Variants in CDH9 observed in about 807,000 individuals in gnomAD.
CDH9 encodes cadherin 9.
A neutral mutation model predicts 70.9 loss-of-function variants in CDH9; 28 were observed. The observed-to-expected ratio is 0.40, with a 90% confidence interval of 0.29 to 0.54. The LOEUF (loss-of-function observed/expected upper bound fraction) is 0.54. Ranked by LOEUF, CDH9 falls within the 20% of genes least tolerant of loss-of-function variation. The probability of loss-of-function intolerance (pLI) is 0.59; values close to 1 mark genes in which losing one functional copy is unlikely to be tolerated. For missense variants in CDH9, 874 were observed against 984.4 expected, an observed-to-expected ratio of 0.89 and a Z score of 1.50; for synonymous variants, 409 against 343.1, an observed-to-expected ratio of 1.19 and a Z score of -2.12.
intron 7 of CDH9, among the ~76,000 whole-genome samples, chr5:26,898,993 A>G (rs1740802775): frequency 6.6e-6 from 1 of 152,180 alleles, no homozygotes. Context: ...GAACAATCCT[A>G]TCAAAAGGTG....
Position 26,973,741 on chromosome 5 carries a change from T to G in CDH9, c.228+14365A>C, listed in dbSNP as rs187239605. 5.3e-5 allele frequency among the ~76,000 whole-genome samples: 8 copies of G among 152,326 alleles called. No individual in the cohort carries two copies. In the East Asian group the frequency reaches 1.5e-3, roughly 29 times the overall value. On this transcript the variant is annotated intron_variant, in intron 2 of 11. Transcript: ENST00000231021. ...CTTTTTGTGTTATTATCTCATTTTCTTTTTTAATATGATGAACACATTTAA... is the reference window on the plus strand; with the variant it reads ...CTTTTTGTGTTATTATCTCATTTTCGTTTTTAATATGATGAACACATTTAA...
At chr5:27,004,745 G>T (rs932655598) in intron 1 of CDH9, among the ~76,000 whole-genome samples, 1 of 152,164 alleles carries the variant, frequency 6.6e-6, no homozygotes, top group Non-Finnish European at 1.5e-5. Context: ...TGTTAAGATC[G>T]ATCAATATGC....
At chr5:27,034,730 G>T (rs915138631) in intron 1 of CDH9, among the ~76,000 whole-genome samples, 2 of 151,450 alleles carry the variant, frequency 1.3e-5, no homozygotes, top group Non-Finnish European at 1.5e-5. Flanking sequence ...TCTTGGTCAG[G>T]CTCCAGAGAC....
At chr5:26,914,758 C>T (rs1741119357) in intron 3 of CDH9, among the ~76,000 whole-genome samples, 1 of 151,928 alleles carries the variant, frequency 6.6e-6, no homozygotes, top group Admixed American at 6.6e-5. Context: ...ATAAGAATGT[C>T]AAAATCATAC....
chr5:26,965,668 C>T (rs1742117489), intron 2 of CDH9, among the ~76,000 whole-genome samples: 1 of 151,126 alleles, frequency 6.6e-6, no homozygotes, highest in East Asian at 1.9e-4. Flanking sequence ...AAAAATTGGA[C>T]AACTAGAAAC....
At chr5:26,935,155 A>C (rs1741537476) in intron 2 of CDH9, among the ~76,000 whole-genome samples, 1 of 150,298 alleles carries the variant, frequency 6.7e-6, no homozygotes, top group East Asian at 1.9e-4. Context: ...ATAGATTTAG[A>C]AAAAGTACTT....
At chr5:26,927,068 G>A (rs183450440) in intron 2 of CDH9, among the ~76,000 whole-genome samples, 1 of 151,934 alleles carries the variant, frequency 6.6e-6, no homozygotes, top group African/African-American at 2.4e-5. Context: ...TCCAAGTGGG[G>A]TTTATTCCTG....
In CDH9 at chr5:26,988,535, C is replaced by T. The variant is rs1448037518; in HGVS notation, c.-49-153G>A. 2.0e-5 allele frequency among the ~76,000 whole-genome samples: 3 copies of T among 151,834 alleles called. No homozygotes were observed. In the East Asian group the frequency reaches 5.8e-4, roughly 29 times the overall value. The stretch of plus-strand genomic sequence containing the variant: ...TATATCAGTGAACGGTCATGAAAAA[C>T]TCATTTATCACATAGATAAGTAGAA... On this transcript the variant is annotated intron_variant, in intron 1 of 11. Transcript: ENST00000231021.
At chr5:26,922,557 C>A (rs1013921336) in intron 2 of CDH9, among the ~76,000 whole-genome samples, 1 of 152,094 alleles carries the variant, frequency 6.6e-6, no homozygotes, top group East Asian at 1.9e-4. Context: ...CAGGGGACTT[C>A]ATCAACACCA....
intron 1 of CDH9, among the ~76,000 whole-genome samples, chr5:27,004,677 GAC>G (rs1487806167): frequency 6.6e-6 from 1 of 152,122 alleles, no homozygotes; most frequent in Non-Finnish European, 1.5e-5. Flanking sequence ...ACTAATGAGA[GAC>G]ACATGAGATG....
At chr5:26,910,098 G>C (rs950874082) in intron 3 of CDH9, among the ~76,000 whole-genome samples, 13 of 151,916 alleles carry the variant, frequency 8.6e-5, no homozygotes, top group African/African-American at 3.1e-4. Context: ...ATATATAAAA[G>C]AAAAAACATC....
intron 9 of CDH9, 61 bp from the exon 10 acceptor site, chr5:26,886,144 G>A (rs532274561): frequency 1.4e-5 from 21 of 1,510,950 alleles, no homozygotes; most frequent in South Asian, 2.7e-5. Context: ...GTTATTACAA[G>A]ATATCTTAAA....
intron 2 of CDH9, among the ~76,000 whole-genome samples, chr5:26,959,693 A>C (rs1415188661): frequency 1.3e-5 from 2 of 152,120 alleles, no homozygotes; most frequent in East Asian, 3.9e-4. Flanking sequence ...GTACTGATAC[A>C]ACACAGAGTG....
chr5:26,973,067 T>C (rs1742247683), intron 2 of CDH9, among the ~76,000 whole-genome samples: 1 of 152,154 alleles, frequency 6.6e-6, no homozygotes, highest in Admixed American at 6.5e-5. Flanking sequence ...TTTCACCATG[T>C]TGACCAGGCT....
At chr5:26,919,358 G>T (rs1741202915) in intron 2 of CDH9, among the ~76,000 whole-genome samples, 1 of 152,142 alleles carries the variant, frequency 6.6e-6, no homozygotes, top group Non-Finnish European at 1.5e-5. Flanking sequence ...TGGCACCCAT[G>T]GAGAAAGCAT....
intron 4 of CDH9, among the ~76,000 whole-genome samples, 174 bp downstream of exon 4, chr5:26,906,545 A>C: frequency 6.6e-6 from 1 of 152,202 alleles, no homozygotes; most frequent in East Asian, 1.9e-4. Context: ...GGGTTCAAAT[A>C]AGTTATTAAA....
chr5:27,030,864 A>C (rs974572895), intron 1 of CDH9, among the ~76,000 whole-genome samples: 3 of 151,884 alleles, frequency 2.0e-5, no homozygotes, highest in African/African-American at 7.2e-5. Flanking sequence ...AATTCTTTAC[A>C]TCTAGATATA....
chr5:27,026,758 G>C (rs1226049870), intron 1 of CDH9, among the ~76,000 whole-genome samples: 1 of 151,860 alleles, frequency 6.6e-6, no homozygotes, highest in Non-Finnish European at 1.5e-5. Context: ...ATTAACTCCA[G>C]TTGACAATGC....
intron 7 of CDH9, among the ~76,000 whole-genome samples, chr5:26,898,595 T>G (rs951763119): frequency 6.6e-6 from 1 of 152,166 alleles, no homozygotes; most frequent in Non-Finnish European, 1.5e-5. Context: ...TAATAAATGG[T>G]GTTGGGAAAC....
Sources: allele counts gnomAD v4.1 joint callset (sites outside exome capture counted in the v4.1 genomes callset), GRCh38; gene constraint gnomAD v4.1.1; transcripts MANE v1.5; gene names NCBI Gene and HGNC (gene_info 2026-07-23, HGNC 2026-07-21).